The following TNNT3 variants were observed in gnomAD, a reference collection of about 807,000 sequenced individuals.
TNNT3 encodes troponin T3, fast skeletal type, also known as troponin T, fast skeletal muscle.
In TNNT3, 36 loss-of-function variants were observed where a neutral mutation model predicts 54.2. That is an observed-to-expected ratio of 0.66 (90% CI 0.51 to 0.88). The LOEUF (loss-of-function observed/expected upper bound fraction) is 0.88, where lower values mean the gene tolerates loss of function less well. TNNT3 is among the 40% of genes least tolerant of loss of function. TNNT3 has a pLI of 0.00. For missense variants in TNNT3, 291 were observed against 331.6 expected, an observed-to-expected ratio of 0.88 and a Z score of 0.95; for synonymous variants, 120 against 109.7, an observed-to-expected ratio of 1.09 and a Z score of -0.59.
chr11:1,938,210 C>A, intron 15 of TNNT3: 1 of 588,070 alleles, frequency 1.7e-6, no homozygotes, highest in South Asian at 1.9e-5. Context: ...AGGGAGGGTG[C>A]CCCGGGCTCA....
chr11:1,938,067 G>C, intron 15 of TNNT3: 1 of 336,680 alleles, frequency 3.0e-6, no homozygotes. Context: ...GGGCCCCTCA[G>C]AGGCCACCGT....
At chr11:1,921,628 G>T (rs1345788413) in intron 1 of TNNT3, 1 of 152,238 alleles carries the variant, frequency 6.6e-6, no homozygotes, top group East Asian at 1.9e-4. Context: ...GGGTAATTTT[G>T]CATGGAGCTT....
Position 1,926,696 on chromosome 11 carries a change from G to C in TNNT3, c.69G>C (p.Glu23Asp), listed in dbSNP as rs1382964094. 4.3e-6 allele frequency: 7 copies of C among 1,613,366 alleles called. No homozygotes were observed. The highest frequency in any genetic ancestry group is 1.3e-5 in the African/African-American group (1 of 74,918). ...YEEEEEAQEEEEVQEDTAEED... is the reference protein window; with the variant it reads ...YEEEEEAQEEDEVQEDTAEED... The stretch of plus-strand genomic sequence containing the variant: ...GCCACCATGACGCTGCTTCTGCAGA[G>C]GAAGTTCAAGAAGGTACGCCGGCGC... Residue 23 changes from glutamate (E) to aspartate (D), a missense_variant and splice_region_variant, in exon 6 of 16, where the codon GAG becomes GAC. By Grantham distance (45) the Glu-to-Asp change is conservative. Transcript: ENST00000278317.
At position 1,936,371 on chromosome 11, in the gene TNNT3, G is replaced by A. The variant is rs796443239; in HGVS notation, c.682-592G>A. ...GGATGCTGGCGGCAGGGGGCCTGGA[G>A]CCTTCCTCCTGCCCCCGCTCTCCCC... On this transcript the variant is annotated intron_variant, in intron 14 of 15. Coordinates refer to ENST00000278317, the MANE Select transcript of TNNT3 (RefSeq NM_006757.4). The A allele has an allele frequency of 1.9e-5, 22 of 1,168,044 alleles. 2 individuals carry two copies. The African/African-American group carries it at 3.3e-4, about 18-fold the overall frequency. 72.4% of individuals were successfully genotyped at this position (1,168,044 alleles called of 1,614,324 possible).
intron 8 of TNNT3, 109 bp downstream of exon 8, chr11:1,929,937 C>A: frequency 2.1e-6 from 3 of 1,436,028 alleles, no homozygotes; most frequent in South Asian, 2.5e-5. Context: ...TCTGGGGTGG[C>A]GGTGGCCAAG....
chr11:1,931,059 C>T lies in TNNT3; in HGVS notation c.125+1231C>T, dbSNP rs531580639. On this transcript the variant is annotated intron_variant, in intron 8 of 15. Coordinates refer to ENST00000278317, the MANE Select transcript of TNNT3 (RefSeq NM_006757.4). The stretch of plus-strand genomic sequence containing the variant: ...TTTTTCAAACATCATACCGTCTCTA[C>T]GGCCTTGAATTCTGCTTTTTTTAAA... Among the ~76,000 whole-genome samples, 16 of 152,252 alleles carry T rather than the reference C, an allele frequency of 1.1e-4. No homozygotes were observed. The South Asian group carries it at 2.9e-3, about 28-fold the overall frequency.
chr11:1,923,928 C>T (rs1850790114), intron 4 of TNNT3, among the ~76,000 whole-genome samples: 1 of 146,686 alleles, frequency 6.8e-6, no homozygotes, highest in Non-Finnish European at 1.5e-5. Flanking sequence ...CACCGAGTGC[C>T]CTGCGTGCCC....
At chr11:1,926,499 A>T in intron 5 of TNNT3, 196 bp from the exon 6 acceptor site, 1 of 1,613,148 alleles carries the variant, frequency 6.2e-7, no homozygotes, top group Middle Eastern at 1.6e-4. Flanking sequence ...CATGACTTCG[A>T]TGCCACATGG....
At chr11:1,938,268 G>A in intron 15 of TNNT3, 170 bp from the exon 16 acceptor site, 1 of 748,320 alleles carries the variant, frequency 1.3e-6, no homozygotes, top group Non-Finnish European at 2.4e-6. Context: ...GCCAGGCACA[G>A]GTGAGTGGGC....
chr11:1,925,779 C>G lies in TNNT3; in HGVS notation c.67+663C>G, dbSNP rs1365498211. On this transcript the variant is annotated intron_variant, in intron 5 of 15. Transcript: ENST00000278317. ...AGCATGCCCTCGTCAGCCCCCCAGG[C>G]CCCCTCACAGCCTTCTGCTATGAGA... 4.6e-5 allele frequency among the ~76,000 whole-genome samples: 7 copies of G among 152,280 alleles called. No homozygotes were observed. The East Asian group carries it at 1.4e-3, about 29-fold the overall frequency.
At chr11:1,937,818 C>T (rs1470959471) in intron 15 of TNNT3, among the ~76,000 whole-genome samples, 2 of 152,198 alleles carry the variant, frequency 1.3e-5, no homozygotes, top group African/African-American at 2.4e-5. Flanking sequence ...GGTGGGCAGT[C>T]GGCGTGGTGT....
intron 4 of TNNT3, 56 bp from the exon 5 acceptor site, chr11:1,925,043 G>T (rs1851145902): frequency 1.9e-6 from 3 of 1,604,340 alleles, no homozygotes; most frequent in Middle Eastern, 2.2e-4. Flanking sequence ...CACTGTCTCT[G>T]TTCCCTGTCT....
intron 1 of TNNT3, chr11:1,921,617 T>C (rs2133217671): frequency 6.6e-6 from 1 of 152,376 alleles, no homozygotes; most frequent in Admixed American, 6.5e-5. Flanking sequence ...AGCTATCTGC[T>C]GGGTAATTTT....
chr11:1,929,731 G>C, intron 7 of TNNT3, 79 bp from the exon 8 acceptor site: 2 of 1,509,106 alleles, frequency 1.3e-6, no homozygotes, highest in Non-Finnish European at 1.8e-6. Flanking sequence ...GCCGCAGGCC[G>C]CCCAGTCTCA....
chr11:1,920,846 C>T (rs1174504891), intron 1 of TNNT3, among the ~76,000 whole-genome samples: 1 of 152,176 alleles, frequency 6.6e-6, no homozygotes, highest in Non-Finnish European at 1.5e-5. Context: ...CCCCTGCCAC[C>T]AGCCCCTCCC....
rs1737299918 is a variant in TNNT3 at position 1,923,538 on chromosome 11, G to A, written c.32-17G>A. 6.2e-7 allele frequency: 1 copy of A among 1,613,784 alleles called. No individual in the cohort carries two copies. Among genetic ancestry groups the A allele is most frequent in the African/African-American group, 1.3e-5 (1 of 74,826 alleles). ...CCCTTCTAACGTGGTTCCCCTCTTT[G>A]TTCTGTCCCAATGCAGAGCAGTACG... is the stretch of plus-strand genomic sequence containing the variant. On this transcript the variant is annotated splice_polypyrimidine_tract_variant and intron_variant, in intron 3 of 15. Coordinates refer to ENST00000278317, the MANE Select transcript of TNNT3 (RefSeq NM_006757.4).
At chr11:1,937,985 A>T (rs7116122) in intron 15 of TNNT3, among the ~76,000 whole-genome samples, 1 of 151,832 alleles carries the variant, frequency 6.6e-6, no homozygotes, top group Non-Finnish European at 1.5e-5. Context: ...ACCCGCCTTC[A>T]CCCCTCACCC....
intron 7 of TNNT3, 52 bp downstream of exon 7, chr11:1,929,195 G>T (rs771506616): frequency 1.9e-6 from 3 of 1,603,136 alleles, no homozygotes; most frequent in East Asian, 2.2e-5. Flanking sequence ...TCTAGCCGAC[G>T]CGAGGGAAAG....
chr11:1,923,292 G>A (rs755812171), intron 3 of TNNT3, among the ~76,000 whole-genome samples: 56 of 152,132 alleles, frequency 3.7e-4, no homozygotes, highest in Non-Finnish European at 5.9e-4. Flanking sequence ...CAGGCTCTGG[G>A]TCCTGTCTCT....
Sources: allele counts gnomAD v4.1 joint callset (sites outside exome capture counted in the v4.1 genomes callset), GRCh38; gene constraint gnomAD v4.1.1; transcripts MANE v1.5; gene names NCBI Gene and HGNC (gene_info 2026-07-23, HGNC 2026-07-21).